HIP1: variants seen among roughly 807,000 people sequenced by gnomAD.
The protein encoded by HIP1 is huntingtin interacting protein 1.
Under a neutral mutation model 147.6 loss-of-function variants are expected in HIP1, and 65 were observed. That is an observed-to-expected ratio of 0.44 (90% CI 0.36 to 0.54). HIP1 has a LOEUF of 0.54. HIP1 is among the 20% of genes least tolerant of loss of function. The pLI is 0.00. For missense variants in HIP1, 1,061 were observed against 1,299.6 expected, an observed-to-expected ratio of 0.82 and a Z score of 2.82; for synonymous variants, 479 against 504.0, an observed-to-expected ratio of 0.95 and a Z score of 0.67.
At chr7:75,572,225 G>GAAA (rs5884970) in intron 8 of HIP1, among the ~76,000 whole-genome samples, 1 of 82,768 alleles carries the variant, frequency 1.2e-5, no homozygotes, top group Non-Finnish European at 2.6e-5. Context: ...CTCTGTCTCA[G>GAAA]AAAAAAAAAA....
At chr7:75,655,303 G>A (rs1424519198) in intron 1 of HIP1, among the ~76,000 whole-genome samples, 1 of 151,768 alleles carries the variant, frequency 6.6e-6, no homozygotes, top group African/African-American at 2.4e-5. Flanking sequence ...CACAGGCCGG[G>A]CACGGTGGCT....
intron 24 of HIP1, 71 bp downstream of exon 24, chr7:75,547,684 T>C: frequency 1.6e-6 from 2 of 1,286,682 alleles, no homozygotes; most frequent in Non-Finnish European, 2.3e-6. Context: ...CTAATAAGTA[T>C]GCAAAGTATA....
chr7:75,578,636 C>A (rs1159767740), intron 7 of HIP1, among the ~76,000 whole-genome samples: 1 of 152,114 alleles, frequency 6.6e-6, no homozygotes, highest in Non-Finnish European at 1.5e-5. Context: ...CGGAATCGCA[C>A]CACTGCATTC....
intron 2 of HIP1, among the ~76,000 whole-genome samples, chr7:75,595,106 G>T (rs375640790): frequency 6.6e-6 from 1 of 152,070 alleles, no homozygotes; most frequent in African/African-American, 2.4e-5. Flanking sequence ...TCCTTTCCTC[G>T]ATGACATCTT....
chr7:75,569,609 GAAACA>G (rs782397927), intron 8 of HIP1, among the ~76,000 whole-genome samples: 114 of 152,062 alleles, frequency 7.5e-4, no homozygotes, highest in African/African-American at 2.7e-3. Flanking sequence ...ACCCTGTCTT[GAAACA>G]AAACAAAACA....
At position 75,673,571 on chromosome 7, in the gene HIP1, C is replaced by G. The variant is rs1799789675; in HGVS notation, c.120+65230G>C. Among the ~76,000 whole-genome samples the G allele has an allele frequency of 1.3e-5, 2 of 152,072 alleles. 1 individual carries two copies. The highest frequency in any genetic ancestry group is 4.1e-4 in the South Asian group (2 of 4,832). ...TTCTTCCAACAATATTTCGTAGTTC[C>G]AGTACACAAGTATTGCACATCTTTG... On this transcript the variant is annotated intron_variant, in intron 1 of 30. Coordinates refer to ENST00000336926, the MANE Select transcript of HIP1 (RefSeq NM_005338.7).
At chr7:75,539,227 TG>T in intron 30 of HIP1, 95 bp downstream of exon 30, 1 of 804,058 alleles carries the variant, frequency 1.2e-6, no homozygotes, top group Non-Finnish European at 2.1e-6. Context: ...ACCGATCTGG[TG>T]GGTTCCTTGT....
At chr7:75,647,084 G>A (rs1016731389) in intron 1 of HIP1, among the ~76,000 whole-genome samples, 4 of 151,964 alleles carry the variant, frequency 2.6e-5, no homozygotes, top group Non-Finnish European at 5.9e-5. Flanking sequence ...GCGTGGACAT[G>A]GCCAGATGTG....
chr7:75,650,049 C>T (rs551954533), intron 1 of HIP1, among the ~76,000 whole-genome samples: 114 of 152,242 alleles, frequency 7.5e-4, no homozygotes, highest in Middle Eastern at 6.8e-3. Flanking sequence ...CAGAGCCTAA[C>T]CATTCTGCAA....
intron 1 of HIP1, chr7:75,611,884 C>A: frequency 9.8e-7 from 1 of 1,016,508 alleles, no homozygotes; most frequent in Non-Finnish European, 1.2e-6. Flanking sequence ...CCCAGCCTCT[C>A]TTCCTCCCTC....
At chr7:75,689,702 A>G (rs1178179980) in intron 1 of HIP1, among the ~76,000 whole-genome samples, 1 of 152,152 alleles carries the variant, frequency 6.6e-6, no homozygotes, top group Non-Finnish European at 1.5e-5. Flanking sequence ...CAAAGAAACC[A>G]CAAGAACAAA....
At chr7:75,620,488 A>G (rs1797811107) in intron 1 of HIP1, among the ~76,000 whole-genome samples, 1 of 151,636 alleles carries the variant, frequency 6.6e-6, no homozygotes, top group South Asian at 2.1e-4. Flanking sequence ...GAAGTTCGAG[A>G]CCAGCCTGGC....
chr7:75,534,223 TG>T lies in HIP1; in HGVS notation c.*3948del, dbSNP rs1325954772. 6.2e-5 allele frequency: 14 copies of T among 226,070 alleles called. No individual in the cohort carries two copies. Among genetic ancestry groups the T allele is most frequent in the Non-Finnish European group, 1.1e-4 (12 of 113,602 alleles). 14.0% of individuals were successfully genotyped at this position (226,070 alleles called of 1,614,324 possible). A position where few individuals can be genotyped will look rare whatever the true frequency, so the allele number is the denominator to read the frequency against. On this transcript the variant is annotated 3_prime_UTR_variant, in exon 31 of 31. Coordinates refer to ENST00000336926, the MANE Select transcript of HIP1 (RefSeq NM_005338.7). ...GTGGCATAAACCTTGGTGTCTGACT[TG>T]GTAGCTGGGACAGTTCCAAGAAAAG...
chr7:75,697,587 C>T (rs969830691), intron 1 of HIP1, among the ~76,000 whole-genome samples: 5 of 152,054 alleles, frequency 3.3e-5, no homozygotes, highest in East Asian at 3.9e-4. Flanking sequence ...CCAAGGCAGA[C>T]GGATCACTTG....
chr7:75,554,225 C>T lies in HIP1; in HGVS notation c.2051-5G>A, dbSNP rs1188224100. The T allele has an allele frequency of 8.7e-6, 14 of 1,611,514 alleles. No individual in the cohort carries two copies. The highest frequency in any genetic ancestry group is 1.1e-5 in the South Asian group (1 of 90,962). On this transcript the variant is annotated splice_polypyrimidine_tract_variant and splice_region_variant and intron_variant, in intron 20 of 30. Coordinates refer to ENST00000336926, the MANE Select transcript of HIP1 (RefSeq NM_005338.7). ...AATGGAGAAGTCCACTGATGTCTGC[C>T]AGGATTGGAAAGAGAAGTTTCTCAG...
At chr7:75,559,656 C>G (rs1362128364) in intron 14 of HIP1, 76 bp downstream of exon 14, 4 of 1,207,010 alleles carry the variant, frequency 3.3e-6, no homozygotes, top group South Asian at 3.0e-5. Flanking sequence ...GCCTCTGTGC[C>G]GCATCCTGAG....
chr7:75,623,268 G>C (rs587762587), intron 1 of HIP1, among the ~76,000 whole-genome samples: 1 of 152,084 alleles, frequency 6.6e-6, no homozygotes, highest in East Asian at 1.9e-4. Context: ...GAGAGAAAGG[G>C]GAGGCTGGGA....
chr7:75,599,866 C>T (rs1367596962), intron 1 of HIP1, among the ~76,000 whole-genome samples: 1 of 143,952 alleles, frequency 6.9e-6, no homozygotes, highest in Non-Finnish European at 1.5e-5. Flanking sequence ...TGAGGAGTCT[C>T]GCTCTGTCAC....
intron 1 of HIP1, among the ~76,000 whole-genome samples, chr7:75,661,997 AG>A (rs1799334020): frequency 6.7e-6 from 1 of 148,626 alleles, no homozygotes; most frequent in African/African-American, 2.5e-5. Context: ...GCAATGGGAG[AG>A]AGATGGATGA....
Sources: gnomAD v4.1 joint callset for allele counts (sites outside exome capture counted in the v4.1 genomes callset) on GRCh38, gnomAD v4.1.1 for gene constraint, MANE v1.5 for transcripts, NCBI Gene and HGNC (gene_info 2026-07-23, HGNC 2026-07-21) for gene names.